USP15: variants seen among roughly 807,000 people sequenced by gnomAD.
The protein encoded by USP15 is ubiquitin specific peptidase 15.
USP15 carries 18 observed loss-of-function variants against 127.1 expected under a neutral mutation model. The ratio of observed to expected loss-of-function variants is 0.14; its 90% CI spans 0.10 to 0.21. The LOEUF is 0.21. Ranked by LOEUF, USP15 falls within the 10% of genes least tolerant of loss-of-function variation. The pLI, the probability that USP15 is intolerant of heterozygous loss-of-function variation, is 1.00. For missense variants in USP15, 805 were observed against 1,159.9 expected (o/e 0.69, Z 4.44); for synonymous variants, 364 against 393.7 (o/e 0.92, Z 0.89).
rs369232794 is a variant in USP15 at position 62,273,395 on chromosome 12, GT to G, written c.89+12896del. On this transcript the variant is annotated intron_variant, in intron 1 of 21. Coordinates refer to ENST00000280377, the MANE Select transcript of USP15 (RefSeq NM_001252078.2). ...ACTCTTGAACAAAGGGACCTTGGCT[GT>G]TTTGCCAACCACTTTATTCATATGA... Among the ~76,000 whole-genome samples, 517 of 152,122 alleles carry G rather than the reference GT, an allele frequency of 3.4e-3. 2 individuals carry two copies. The highest frequency in any genetic ancestry group is 0.012 in the African/African-American group (497 of 41,512).
chr12:62,260,986 G>T (rs1038289558), intron 1 of USP15, among the ~76,000 whole-genome samples: 6 of 152,134 alleles, frequency 3.9e-5, no homozygotes, highest in Non-Finnish European at 7.3e-5. Context: ...GAGGCAGGCT[G>T]CAGGATGTTT....
chr12:62,353,479 G>C (rs1350429272), intron 7 of USP15, among the ~76,000 whole-genome samples: 2 of 152,030 alleles, frequency 1.3e-5, no homozygotes, highest in Non-Finnish European at 2.9e-5. Context: ...ACGTGTGTGT[G>C]TGTGTATAGG....
Position 62,325,857 on chromosome 12 carries a change from G to A in USP15, c.622-15G>A, listed in dbSNP as rs201486710. Reference sequence around the variant, plus strand: ...AGTTATGGAAAAACACCCTTTTATTGTGTCATATTTGCAGGTATTAGTGAT... The same window carrying A: ...AGTTATGGAAAAACACCCTTTTATTATGTCATATTTGCAGGTATTAGTGAT... On this transcript the variant is annotated splice_polypyrimidine_tract_variant and intron_variant, in intron 5 of 21. Coordinates refer to ENST00000280377, the MANE Select transcript of USP15 (RefSeq NM_001252078.2). The A allele has an allele frequency of 7.8e-5, 125 of 1,597,702 alleles. No homozygotes were observed. The African/African-American group carries it at 1.4e-3, about 18-fold the overall frequency.
intron 1 of USP15, among the ~76,000 whole-genome samples, chr12:62,274,684 C>T (rs892523670): frequency 1.3e-5 from 2 of 151,952 alleles, no homozygotes; most frequent in African/African-American, 2.4e-5. Context: ...TAAAAGGTTG[C>T]TCTACCCTGT....
At chr12:62,273,506 A>G (rs941358073) in intron 1 of USP15, among the ~76,000 whole-genome samples, 6 of 152,104 alleles carry the variant, frequency 3.9e-5, no homozygotes, top group Non-Finnish European at 4.4e-5. Flanking sequence ...AAGACTTCAT[A>G]GCAAGTAGTG....
intron 8 of USP15, among the ~76,000 whole-genome samples, chr12:62,367,487 A>G (rs963218821): frequency 6.6e-6 from 1 of 152,148 alleles, no homozygotes; most frequent in Non-Finnish European, 1.5e-5. Flanking sequence ...TTGGCCTCCC[A>G]AAGAAATTTC....
intron 9 of USP15, 65 bp downstream of exon 9, chr12:62,381,728 T>C (rs1281388259): frequency 3.3e-6 from 5 of 1,512,966 alleles, no homozygotes; most frequent in Non-Finnish European, 3.6e-6. Context: ...TTCTTGGGGA[T>C]AGGGGGAGTG....
At chr12:62,292,898 G>A (rs1484787185) in intron 1 of USP15, among the ~76,000 whole-genome samples, 1 of 152,186 alleles carries the variant, frequency 6.6e-6, no homozygotes, top group Non-Finnish European at 1.5e-5. Flanking sequence ...ACTGCTGCCT[G>A]CTGAGTGGGT....
chr12:62,302,570 T>A lies in USP15; in HGVS notation c.218-220T>A, dbSNP rs192633892. On this transcript the variant is annotated intron_variant, in intron 2 of 21. Coordinates refer to ENST00000280377, the MANE Select transcript of USP15 (RefSeq NM_001252078.2). ...TCTTAAAACATTATGAGTTTTTTTTTATGATTTTTTTAAGCTCATCAACTA... is the reference window on the plus strand; with the variant it reads ...TCTTAAAACATTATGAGTTTTTTTTAATGATTTTTTTAAGCTCATCAACTA... Among the ~76,000 whole-genome samples the A allele has an allele frequency of 1.2e-4, 18 of 152,264 alleles. No homozygotes were observed. In the South Asian group the frequency reaches 1.4e-3, roughly 12 times the overall value.
intron 11 of USP15, among the ~76,000 whole-genome samples, chr12:62,387,717 T>C (rs1159333459): frequency 6.6e-6 from 1 of 152,070 alleles, no homozygotes; most frequent in Non-Finnish European, 1.5e-5. Flanking sequence ...AATATAGATA[T>C]CATTAATAAA....
At chr12:62,310,130 A>T (rs541960280) in intron 3 of USP15, among the ~76,000 whole-genome samples, 1 of 152,130 alleles carries the variant, frequency 6.6e-6, no homozygotes, top group South Asian at 2.1e-4. Context: ...TAAGGGCAGT[A>T]TAGGGAAACC....
intron 4 of USP15, among the ~76,000 whole-genome samples, chr12:62,317,000 C>T (rs1240801615): frequency 6.6e-6 from 1 of 151,994 alleles, no homozygotes; most frequent in East Asian, 1.9e-4. Context: ...TGTATTAAAT[C>T]ATTGTTTTTC....
At chr12:62,376,601 A>G (rs2066837117) in intron 8 of USP15, among the ~76,000 whole-genome samples, 1 of 152,192 alleles carries the variant, frequency 6.6e-6, no homozygotes, top group African/African-American at 2.4e-5. Flanking sequence ...TAGACATGTC[A>G]CAAAACTTAT....
intron 11 of USP15, 108 bp from the exon 12 acceptor site, chr12:62,389,323 C>A: frequency 2.2e-6 from 2 of 894,136 alleles, no homozygotes; most frequent in East Asian, 2.6e-5. Context: ...GAGACAAACA[C>A]TAATCCAAAT....
intron 8 of USP15, among the ~76,000 whole-genome samples, chr12:62,369,085 A>G (rs2066578422): frequency 6.6e-6 from 1 of 152,186 alleles, no homozygotes; most frequent in African/African-American, 2.4e-5. Flanking sequence ...CTAGAAGTTC[A>G]TGTTTAGTGA....
chr12:62,363,989 G>A (rs192010599), intron 8 of USP15, among the ~76,000 whole-genome samples: 15 of 152,200 alleles, frequency 9.9e-5, no homozygotes, highest in Admixed American at 3.3e-4. Flanking sequence ...TGTGATGTCT[G>A]TGAAACATCC....
intron 1 of USP15, among the ~76,000 whole-genome samples, chr12:62,282,655 A>G (rs2063687201): frequency 6.6e-6 from 1 of 152,224 alleles, no homozygotes; most frequent in African/African-American, 2.4e-5. Flanking sequence ...AACTGCCTTC[A>G]AGCCCTCTTG....
At chr12:62,349,820 T>A (rs2065916163) in intron 7 of USP15, among the ~76,000 whole-genome samples, 1 of 152,010 alleles carries the variant, frequency 6.6e-6, no homozygotes, top group East Asian at 1.9e-4. Flanking sequence ...GAAGTGTGTG[T>A]TATATTGCTA....
chr12:62,305,712 A>G (rs1260206498), intron 3 of USP15: 2 of 152,196 alleles, frequency 1.3e-5, no homozygotes, highest in African/African-American at 4.8e-5. Flanking sequence ...CAATAGTGTT[A>G]GCATGTAAGT....
Sources: gnomAD v4.1 joint callset for allele counts (sites outside exome capture counted in the v4.1 genomes callset) on GRCh38, gnomAD v4.1.1 for gene constraint, MANE v1.5 for transcripts, NCBI Gene and HGNC (gene_info 2026-07-23, HGNC 2026-07-21) for gene names.